The following SUPT6H variants were observed in gnomAD, a reference collection of about 807,000 sequenced individuals.
The protein encoded by SUPT6H is transcription elongation factor SPT6.
In SUPT6H, 11 loss-of-function variants were observed where a neutral mutation model predicts 222.3. That is an observed-to-expected ratio of 0.05 (90% confidence interval 0.03 to 0.08). The LOEUF (loss-of-function observed/expected upper bound fraction) is 0.08. Ranked by LOEUF, SUPT6H falls within the 10% of genes least tolerant of loss-of-function variation. The pLI is 1.00. For missense variants in SUPT6H, 1,422 were observed against 2,216.0 expected (o/e 0.64, Z 7.19); for synonymous variants, 762 against 801.2 (o/e 0.95, Z 0.83).
At chr17:28,665,980 G>T (rs2029987490) in intron 1 of SUPT6H, among the ~76,000 whole-genome samples, 1 of 152,136 alleles carries the variant, frequency 6.6e-6, no homozygotes, top group African/African-American at 2.4e-5. Context: ...TTAAAACCCT[G>T]CAATGGCTTC....
At chr17:28,693,973 T>G in intron 28 of SUPT6H, 137 bp downstream of exon 28, 2 of 1,160,934 alleles carry the variant, frequency 1.7e-6, no homozygotes, top group Non-Finnish European at 2.4e-6. Context: ...CAGGGAAGAT[T>G]TATAACTAGT....
chr17:28,667,405 GTATA>G lies in SUPT6H; in HGVS notation c.-32+5091_-32+5094del, dbSNP rs59286877. The stretch of plus-strand genomic sequence containing the variant: ...AAAAAAAAAAAAAAAGTGTGTGTGT[GTATA>G]TATATATATATATATATATATATAT... On this transcript the variant is annotated intron_variant, in intron 1 of 36. Transcript: ENST00000314616. Among the ~76,000 whole-genome samples the G allele has an allele frequency of 6.8e-3, 337 of 49,288 alleles. 9 individuals are homozygous for G. The highest frequency in any genetic ancestry group is 0.011 in the African/African-American group (143 of 12,514). The allele number at this position is 49,288 out of a possible 152,430, so 32.3% of individuals were successfully genotyped here.
At position 28,683,000 on chromosome 17, in the gene SUPT6H, A is replaced by G. The variant is rs760538970; in HGVS notation, c.1786A>G (p.Ile596Val). 3 of 1,613,894 alleles carry G rather than the reference A, an allele frequency of 1.9e-6. No individual in the cohort carries two copies. The highest frequency in any genetic ancestry group is 2.5e-6 in the Non-Finnish European group (3 of 1,179,908). ...EGARYMVALQ[I>V]AREPLVRQVL... is the part of the protein sequence containing the mutation. ...CGCCCGCTACATGGTAGCCCTGCAG[A>G]TTGCCCGTGAGCCCCTTGTCCGGCA... Residue 596 changes from isoleucine (I) to valine (V), a missense_variant, in exon 15 of 37, where the codon ATT becomes GTT. Physicochemically the swap from Ile to Val is conservative, Grantham distance 29. Coordinates refer to ENST00000314616, the MANE Select transcript of SUPT6H (RefSeq NM_003170.5).
At chr17:28,699,656 G>T in intron 32 of SUPT6H, 125 bp from the exon 33 acceptor site, 1 of 798,538 alleles carries the variant, frequency 1.3e-6, no homozygotes, top group Non-Finnish European at 2.2e-6. Flanking sequence ...CTGGGGACTG[G>T]CTGTGTCATC....
intron 27 of SUPT6H, 53 bp from the exon 28 acceptor site, chr17:28,693,643 G>T: frequency 1.2e-6 from 2 of 1,604,764 alleles, no homozygotes; most frequent in South Asian, 2.2e-5. Flanking sequence ...TTTTCTGAAT[G>T]AGCGATCTCC....
chr17:28,699,996 C>G (rs1264156040), intron 33 of SUPT6H, 103 bp downstream of exon 33: 1 of 1,375,710 alleles, frequency 7.3e-7, no homozygotes, highest in Non-Finnish European at 1.0e-6. Context: ...AGTAGGCTGT[C>G]ACTGCAGCTG....
At chr17:28,679,817 C>T (rs2030989989) in intron 11 of SUPT6H, among the ~76,000 whole-genome samples, 1 of 151,260 alleles carries the variant, frequency 6.6e-6, no homozygotes, top group Admixed American at 6.6e-5. Flanking sequence ...CAGTGAAACC[C>T]TGTCTTTACT....
intron 19 of SUPT6H, among the ~76,000 whole-genome samples, chr17:28,685,366 G>A (rs1424323282): frequency 1.3e-5 from 2 of 151,988 alleles, no homozygotes; most frequent in Non-Finnish European, 1.5e-5. Flanking sequence ...TCTGAATTTT[G>A]TTTATCCTAA....
intron 27 of SUPT6H, 30 bp from the exon 28 acceptor site, chr17:28,693,666 A>G: frequency 6.2e-7 from 1 of 1,613,706 alleles, no homozygotes; most frequent in Non-Finnish European, 8.5e-7. Flanking sequence ...AATATTGATA[A>G]TCAAGCTCTT....
At chr17:28,691,165 A>G in intron 27 of SUPT6H, 102 bp downstream of exon 27, 1 of 1,415,974 alleles carries the variant, frequency 7.1e-7, no homozygotes, top group Non-Finnish European at 9.6e-7. Flanking sequence ...TCATTCTCTC[A>G]CCAAACAAGT....
rs2031852899 is a variant in SUPT6H, at chr17:28,695,332, C to T, written c.3775-20C>T. ...TAGATCATCTTTGTCCCTTCCAGCTCAAATGTTCTGTGGATCTAGGTGGGA... is the reference window on the plus strand; with the variant it reads ...TAGATCATCTTTGTCCCTTCCAGCTTAAATGTTCTGTGGATCTAGGTGGGA... On this transcript the variant is annotated intron_variant, in intron 28 of 36. Coordinates refer to ENST00000314616, the MANE Select transcript of SUPT6H (RefSeq NM_003170.5). 2 of 1,608,398 alleles carry T rather than the reference C, an allele frequency of 1.2e-6. No individual in the cohort carries two copies. Among genetic ancestry groups the T allele is most frequent in the Non-Finnish European group, 1.7e-6 (2 of 1,176,224 alleles).
rs550270149 is a variant in SUPT6H at position 28,677,583 on chromosome 17, T to G, written c.898-132T>G. ...TGCTTATTTCATGCCAGAACAACAC[T>G]GGTATGGCATTTGTAGAACAATACT... is the stretch of plus-strand genomic sequence containing the variant. On this transcript the variant is annotated intron_variant, in intron 7 of 36. Coordinates refer to ENST00000314616, the MANE Select transcript of SUPT6H (RefSeq NM_003170.5). The G allele has an allele frequency of 4.3e-6, 3 of 697,874 alleles. No homozygotes were observed. In the African/African-American group the frequency reaches 5.4e-5, roughly 12 times the overall value. The allele number at this position is 697,874 out of a possible 1,614,324, so 43.2% of individuals were successfully genotyped here. A position where few individuals can be genotyped will look rare whatever the true frequency, so the allele number is the denominator to read the frequency against.
At chr17:28,699,330 G>A (rs925905544) in intron 32 of SUPT6H, among the ~76,000 whole-genome samples, 1 of 152,182 alleles carries the variant, frequency 6.6e-6, no homozygotes, top group East Asian at 1.9e-4. Context: ...CTAACCCAGA[G>A]CCCCTCTTAA....
intron 8 of SUPT6H, 129 bp downstream of exon 8, chr17:28,677,945 C>G: frequency 2.3e-6 from 3 of 1,285,988 alleles, no homozygotes; most frequent in Middle Eastern, 3.7e-4. Context: ...GTAGTCCCAA[C>G]AAGTGTGTGT....
At chr17:28,679,945 G>A (rs796547676) in intron 11 of SUPT6H, among the ~76,000 whole-genome samples, 10 of 145,362 alleles carry the variant, frequency 6.9e-5, no homozygotes, top group African/African-American at 2.1e-4. Context: ...AGCCGAGATC[G>A]TGCCACTGCA....
Position 28,687,157 on chromosome 17 carries a change from C to A in SUPT6H, c.2770C>A (p.Leu924Met). ...CCTGGCCCGGCGCATCCAGGACCCT[C>A]TGATTGAATTTGCCCAGGTGTGCAG... Reference protein sequence around the residue: ...VSLARRIQDPLIEFAQVCSSD... With the variant: ...VSLARRIQDPMIEFAQVCSSD... The change falls in exon 22 of 37, where the codon CTG becomes ATG. Residue 924 changes from leucine to methionine, a missense_variant. Physicochemically the swap from Leu to Met is conservative, Grantham distance 15. Transcript: ENST00000314616. The A allele has an allele frequency of 6.2e-7, 1 of 1,614,166 alleles. No homozygotes were observed. Among genetic ancestry groups the A allele is most frequent in the Non-Finnish European group, 8.5e-7 (1 of 1,180,036 alleles).
chr17:28,689,580 G>A lies in SUPT6H; in HGVS notation c.3342+19G>A. The A allele has an allele frequency of 6.2e-7, 1 of 1,612,552 alleles. No individual in the cohort carries two copies. The highest frequency in any genetic ancestry group is 8.5e-7 in the Non-Finnish European group (1 of 1,179,580). The stretch of plus-strand genomic sequence containing the variant: ...GAGGCAGGTAAGGGACAGCATGGAA[G>A]GCCCGGCAGGAGAACCCATCCCAAG... On this transcript the variant is annotated intron_variant, in intron 25 of 36. Coordinates refer to ENST00000314616, the MANE Select transcript of SUPT6H (RefSeq NM_003170.5).
intron 11 of SUPT6H, among the ~76,000 whole-genome samples, chr17:28,679,240 G>T (rs1470067121): frequency 6.6e-6 from 1 of 152,162 alleles, no homozygotes. Context: ...GGGAGCAGTG[G>T]CACACGCCTG....
chr17:28,683,894 GGC>G, intron 17 of SUPT6H, 78 bp downstream of exon 17: 6 of 1,371,624 alleles, frequency 4.4e-6, no homozygotes, highest in Non-Finnish European at 4.9e-6. Context: ...GGAGTGCAGT[GGC>G]GCAATCTTGG....
Sources: allele counts gnomAD v4.1 joint callset (sites outside exome capture counted in the v4.1 genomes callset), GRCh38; gene constraint gnomAD v4.1.1; transcripts MANE v1.5; gene names NCBI Gene and HGNC (gene_info 2026-07-23, HGNC 2026-07-21).